DCLK2: variants seen among roughly 807,000 people sequenced by gnomAD.
DCLK2 encodes the protein doublecortin like kinase 2, also known as serine/threonine-protein kinase DCLK2.
Under a neutral mutation model 78.4 loss-of-function variants are expected in DCLK2, and 31 were observed. The ratio of observed to expected loss-of-function variants is 0.40; its 90% CI spans 0.30 to 0.53. The LOEUF (loss-of-function observed/expected upper bound fraction) is 0.53, where lower values mean the gene tolerates loss of function less well. Among genes scored for constraint, DCLK2 ranks in the 20% least tolerant of loss-of-function variants. DCLK2 has a pLI of 0.61. For missense variants in DCLK2, 872 were observed against 973.7 expected, an observed-to-expected ratio of 0.90 and a Z score of 1.39; for synonymous variants, 407 against 374.9, an observed-to-expected ratio of 1.09 and a Z score of -0.99.
intron 2 of DCLK2, among the ~76,000 whole-genome samples, chr4:150,181,989 C>T (rs149213948): frequency 7.2e-5 from 11 of 152,022 alleles, no homozygotes; most frequent in Middle Eastern, 3.4e-3. Context: ...TTTGGAAGGA[C>T]CAAATGATTT....
At chr4:150,118,207 T>G (rs1732246532) in intron 2 of DCLK2, among the ~76,000 whole-genome samples, 1 of 152,046 alleles carries the variant, frequency 6.6e-6, no homozygotes, top group Non-Finnish European at 1.5e-5. Flanking sequence ...TGGGAGATGC[T>G]TCAATGGTAA....
chr4:150,095,063 G>A (rs1306040364), intron 1 of DCLK2, among the ~76,000 whole-genome samples: 1 of 152,170 alleles, frequency 6.6e-6, no homozygotes, highest in East Asian at 1.9e-4. Context: ...TTAATATATT[G>A]TAAGCTCAGT....
chr4:150,127,970 A>C (rs958428100), intron 2 of DCLK2, among the ~76,000 whole-genome samples: 11 of 152,238 alleles, frequency 7.2e-5, no homozygotes, highest in African/African-American at 2.7e-4. Flanking sequence ...ACCTAAGTGC[A>C]ATGAACTTGG....
At chr4:150,247,279 A>G (rs73858508) in intron 12 of DCLK2, among the ~76,000 whole-genome samples, 16,565 of 152,182 alleles carry the variant, frequency 0.11, 1,229 homozygotes, top group South Asian at 0.31. Flanking sequence ...CACTAAATGC[A>G]TTCACATTGT....
chr4:150,108,404 C>T (rs1190224349), intron 2 of DCLK2, among the ~76,000 whole-genome samples: 3 of 151,274 alleles, frequency 2.0e-5, no homozygotes, highest in South Asian at 2.1e-4. Context: ...ATTAGCTGGG[C>T]GTGGTGGTGG....
At chr4:150,149,069 G>A (rs919069295) in intron 2 of DCLK2, among the ~76,000 whole-genome samples, 6 of 147,286 alleles carry the variant, frequency 4.1e-5, no homozygotes, top group African/African-American at 1.3e-4. Context: ...AAGAAATGGA[G>A]ACCATGGATA....
chr4:150,235,701 C>T (rs1320883643), intron 10 of DCLK2, among the ~76,000 whole-genome samples: 3 of 152,196 alleles, frequency 2.0e-5, no homozygotes, highest in Non-Finnish European at 4.4e-5. Context: ...TAGATTTAGT[C>T]AGCAGGTTGG....
At chr4:150,167,853 T>C (rs1345380788) in intron 2 of DCLK2, among the ~76,000 whole-genome samples, 1 of 152,276 alleles carries the variant, frequency 6.6e-6, no homozygotes, top group South Asian at 2.1e-4. Context: ...TTAACTGGTA[T>C]ATGACCTTCC....
At chr4:150,112,406 T>A (rs1731756342) in intron 2 of DCLK2, among the ~76,000 whole-genome samples, 1 of 152,176 alleles carries the variant, frequency 6.6e-6, no homozygotes, top group Non-Finnish European at 1.5e-5. Flanking sequence ...TTAGATAGTT[T>A]GACTTCCTGT....
At position 150,256,384 on chromosome 4, in the gene DCLK2, T is replaced by A; in HGVS notation, c.*137T>A. 4 of 1,228,448 alleles carry A rather than the reference T, an allele frequency of 3.3e-6. No homozygotes were observed. The highest frequency in any genetic ancestry group is 4.4e-6 in the Non-Finnish European group (4 of 916,598). The allele number at this position is 1,228,448 out of a possible 1,614,324, so 76.1% of individuals were successfully genotyped here. On this transcript the variant is annotated 3_prime_UTR_variant, in exon 16 of 16. Coordinates refer to ENST00000296550, the MANE Select transcript of DCLK2 (RefSeq NM_001040260.4). ...GTTCGCGGGTCCTCCGCAGGCCGCC[T>A]GGGAACCGGAGCCTGGCGTGCCGGA...
intron 2 of DCLK2, among the ~76,000 whole-genome samples, chr4:150,132,141 C>A (rs1733356718): frequency 2.0e-5 from 3 of 152,184 alleles, no homozygotes; most frequent in Non-Finnish European, 2.9e-5. Flanking sequence ...AAAGGGCATG[C>A]AAGTTGGCTG....
chr4:150,249,780 C>T, intron 15 of DCLK2, 96 bp downstream of exon 15: 2 of 952,522 alleles, frequency 2.1e-6, no homozygotes, highest in Admixed American at 3.5e-5. Flanking sequence ...GAAGTTGGTG[C>T]CTTCCGTAGT....
Position 150,239,754 on chromosome 4 carries a change from C to A in DCLK2, c.1579C>A (p.Pro527Thr). Reference sequence around the variant, plus strand: ...ATTTCTGTTTCAGGTGTGTGAATATCCTGATGGAACCAAGTCTTTGAAACT... The same window carrying A: ...ATTTCTGTTTCAGGTGTGTGAATATACTGATGGAACCAAGTCTTTGAAACT... Reference protein sequence around the residue: ...KPENLLVCEYPDGTKSLKLGD... With the variant: ...KPENLLVCEYTDGTKSLKLGD... Residue 527 changes from proline (P) to threonine (T), a missense_variant, in exon 11 of 16, where the codon CCT becomes ACT. Physicochemically the swap from Pro to Thr is conservative, Grantham distance 38 (BLOSUM62 -1). This residue lies in a region of DCLK2 where 86 missense variants were observed against 150.3 expected (regional missense o/e 0.57). Transcript: ENST00000296550. 1 of 1,614,098 alleles carries A rather than the reference C, an allele frequency of 6.2e-7. No individual in the cohort carries two copies. Among genetic ancestry groups the A allele is most frequent in the Non-Finnish European group, 8.5e-7 (1 of 1,180,012 alleles).
intron 10 of DCLK2, among the ~76,000 whole-genome samples, chr4:150,237,784 G>A (rs932031847): frequency 6.6e-6 from 1 of 152,072 alleles, no homozygotes; most frequent in Non-Finnish European, 1.5e-5. Flanking sequence ...TAGTGGTTGC[G>A]ATAAATATCT....
chr4:150,253,819 A>T lies in DCLK2; in HGVS notation c.2074-2201A>T, dbSNP rs1324961831. 3.0e-6 allele frequency: 3 copies of T among 985,352 alleles called. No homozygotes were observed. In the African/African-American group the frequency reaches 5.2e-5, roughly 17 times the overall value. 61.0% of individuals were successfully genotyped at this position (985,352 alleles called of 1,614,324 possible). ...GAGGAGTCCCATAGTTCTCCTACCG[A>T]TGCTGTTTCCCACTTAGGTGAAAAG... On this transcript the variant is annotated intron_variant, in intron 15 of 15. Transcript: ENST00000296550.
chr4:150,197,792 C>G (rs1021738214), intron 3 of DCLK2, among the ~76,000 whole-genome samples: 6 of 148,446 alleles, frequency 4.0e-5, no homozygotes, highest in Non-Finnish European at 8.9e-5. Context: ...AAAACTCCAT[C>G]TCAAGAGAGA....
chr4:150,214,835 GCCTGT>G lies in DCLK2; in HGVS notation c.1057-5867_1057-5863del, dbSNP rs1560876658. Among the ~76,000 whole-genome samples, 4 of 151,432 alleles carry G rather than the reference GCCTGT, an allele frequency of 2.6e-5. No homozygotes were observed. In the East Asian group the frequency reaches 7.8e-4, roughly 30 times the overall value. On this transcript the variant is annotated intron_variant, in intron 5 of 15. Transcript: ENST00000296550. Reference sequence around the variant, plus strand: ...AAATTAGCCAGGCGTGGTGGCACACGCCTGTAATCCCAGCTACTCGGGAGGCCAAG... The same window carrying G: ...AAATTAGCCAGGCGTGGTGGCACACGAATCCCAGCTACTCGGGAGGCCAAG...
intron 3 of DCLK2, among the ~76,000 whole-genome samples, chr4:150,197,149 G>C (rs1457545249): frequency 8.7e-5 from 5 of 57,708 alleles, no homozygotes; most frequent in African/African-American, 2.7e-4. Context: ...GCGAGACTCC[G>C]TCTCAAAAAA....
chr4:150,173,069 T>G (rs1252126547), intron 2 of DCLK2, among the ~76,000 whole-genome samples: 1 of 151,828 alleles, frequency 6.6e-6, no homozygotes, highest in Non-Finnish European at 1.5e-5. Flanking sequence ...TTCTGTTGAC[T>G]TTCTGAGGAT....
Sources: allele counts gnomAD v4.1 joint callset (sites outside exome capture counted in the v4.1 genomes callset), GRCh38; gene constraint gnomAD v4.1.1; regional missense constraint gnomAD v4.1.1; transcripts MANE v1.5; gene names NCBI Gene and HGNC (gene_info 2026-07-23, HGNC 2026-07-21).